MAGI1: variants seen among roughly 807,000 people sequenced by gnomAD.
MAGI1 encodes the protein membrane-associated guanylate kinase, WW and PDZ domain-containing protein 1.
A neutral mutation model predicts 139.9 loss-of-function variants in MAGI1; 58 were observed. That is an observed-to-expected ratio of 0.41 (90% CI 0.34 to 0.52). The LOEUF is 0.52. Among genes scored for constraint, MAGI1 ranks in the 20% least tolerant of loss-of-function variants. MAGI1 has a pLI of 0.12. For synonymous variants in MAGI1, 812 were observed against 737.9 expected (o/e 1.10, Z -1.63); for missense variants, 1,874 against 1,901.6 (o/e 0.99, Z 0.27).
At chr3:65,824,390 T>C (rs2042113482) in intron 1 of MAGI1, among the ~76,000 whole-genome samples, 1 of 152,156 alleles carries the variant, frequency 6.6e-6, no homozygotes, top group Non-Finnish European at 1.5e-5. Context: ...CAAAGCAACA[T>C]GTCTTCAATG....
intron 12 of MAGI1, among the ~76,000 whole-genome samples, chr3:65,428,408 G>C (rs915387146): frequency 5.9e-5 from 9 of 152,126 alleles, no homozygotes; most frequent in Admixed American, 5.9e-4. Flanking sequence ...GTGTTTTCTG[G>C]TGAGGCAGAG....
intron 1 of MAGI1, among the ~76,000 whole-genome samples, chr3:65,656,520 A>G (rs147813229): frequency 1.6e-3 from 244 of 152,344 alleles, no homozygotes; most frequent in African/African-American, 5.3e-3. Flanking sequence ...GTTATGGAAT[A>G]TAAGAGGTTA....
intron 2 of MAGI1, among the ~76,000 whole-genome samples, chr3:65,607,324 A>G (rs1414355686): frequency 6.6e-6 from 1 of 151,784 alleles, no homozygotes; most frequent in African/African-American, 2.4e-5. Flanking sequence ...TGAAACTGCT[A>G]TTGTATATGC....
intron 2 of MAGI1, among the ~76,000 whole-genome samples, chr3:65,544,735 C>G (rs2079416676): frequency 6.6e-6 from 1 of 152,136 alleles, no homozygotes; most frequent in Non-Finnish European, 1.5e-5. Context: ...AAGCCACGAG[C>G]AACCCCAATG....
chr3:65,935,483 G>A (rs2063006316), intron 1 of MAGI1, among the ~76,000 whole-genome samples: 1 of 152,164 alleles, frequency 6.6e-6, no homozygotes, highest in African/African-American at 2.4e-5. Context: ...TTAGCTGACT[G>A]TGGTGGTATG....
chr3:66,033,755 G>A (rs746696980), intron 1 of MAGI1, among the ~76,000 whole-genome samples: 5 of 152,136 alleles, frequency 3.3e-5, no homozygotes, highest in Non-Finnish European at 5.9e-5. Context: ...AAAAAGTAGA[G>A]GGATAGTTAC....
intron 1 of MAGI1, among the ~76,000 whole-genome samples, chr3:65,661,549 T>G (rs1224239168): frequency 1.3e-5 from 2 of 152,090 alleles, no homozygotes; most frequent in African/African-American, 2.4e-5. Flanking sequence ...TGGCTTTGCT[T>G]CTTCTAAACC....
At chr3:66,006,055 G>GT (rs1471851936) in intron 1 of MAGI1, among the ~76,000 whole-genome samples, 1 of 152,200 alleles carries the variant, frequency 6.6e-6, no homozygotes, top group African/African-American at 2.4e-5. Flanking sequence ...AATTTGTTAA[G>GT]TGACAACTCA....
At chr3:65,713,886 A>T (rs1275559382) in intron 1 of MAGI1, among the ~76,000 whole-genome samples, 1 of 152,222 alleles carries the variant, frequency 6.6e-6, no homozygotes. Flanking sequence ...AAGTCCTTGA[A>T]TTTAAAGAGC....
At chr3:65,835,378 GGAAGA>G (rs2042749730) in intron 1 of MAGI1, among the ~76,000 whole-genome samples, 1 of 152,174 alleles carries the variant, frequency 6.6e-6, no homozygotes, top group Non-Finnish European at 1.5e-5. Flanking sequence ...TTGTCTGGCA[GGAAGA>G]GAAAATAGTG....
At chr3:65,432,164 G>A (rs917064595) in intron 10 of MAGI1, among the ~76,000 whole-genome samples, 3 of 152,058 alleles carry the variant, frequency 2.0e-5, no homozygotes, top group African/African-American at 7.2e-5. Flanking sequence ...CTGTAATTGA[G>A]AAACTTACTG....
At chr3:65,514,141 T>C (rs2077738873) in intron 2 of MAGI1, among the ~76,000 whole-genome samples, 1 of 150,716 alleles carries the variant, frequency 6.6e-6, no homozygotes, top group Non-Finnish European at 1.5e-5. Context: ...TCCTTATACC[T>C]TATACAAAAA....
chr3:65,784,960 G>A (rs2039264212), intron 1 of MAGI1, among the ~76,000 whole-genome samples: 2 of 152,148 alleles, frequency 1.3e-5, no homozygotes, highest in Admixed American at 1.3e-4. Flanking sequence ...TGGCGGTGGA[G>A]GGCAGAGAAG....
intron 1 of MAGI1, among the ~76,000 whole-genome samples, chr3:65,743,777 AT>A (rs2035469485): frequency 6.6e-6 from 1 of 151,460 alleles, no homozygotes; most frequent in Non-Finnish European, 1.5e-5. Flanking sequence ...GTAATTATTT[AT>A]TTTTTCTGTC....
chr3:65,573,402 T>A (rs1296686052), intron 2 of MAGI1, among the ~76,000 whole-genome samples: 1 of 152,110 alleles, frequency 6.6e-6, no homozygotes, highest in Non-Finnish European at 1.5e-5. Flanking sequence ...AAGATTATTT[T>A]AACATTGGAA....
chr3:65,537,748 G>C (rs565947027), intron 2 of MAGI1, among the ~76,000 whole-genome samples: 3 of 152,256 alleles, frequency 2.0e-5, no homozygotes, highest in African/African-American at 4.8e-5. Context: ...TTATTTAATA[G>C]TCAAATTAGG....
chr3:65,944,249 C>T (rs960113524), intron 1 of MAGI1, among the ~76,000 whole-genome samples: 1 of 152,152 alleles, frequency 6.6e-6, no homozygotes, highest in Admixed American at 6.5e-5. Flanking sequence ...GGTGCAATGG[C>T]TCAGGCCTGT....
chr3:65,707,126 T>G (rs2030454984), intron 1 of MAGI1, among the ~76,000 whole-genome samples: 2 of 152,192 alleles, frequency 1.3e-5, no homozygotes, highest in African/African-American at 4.8e-5. Flanking sequence ...TTGTATAAAC[T>G]TCTATTCCCA....
chr3:65,493,554 G>A lies in MAGI1; in HGVS notation c.508C>T (p.Leu170Phe), dbSNP rs1432283097. The change falls in exon 3 of 23, where the codon CTC (leucine) becomes TTC (phenylalanine). Residue 170 changes from leucine to phenylalanine, a missense_variant. By Grantham distance (22) the Leu-to-Phe change is conservative. Coordinates refer to ENST00000402939, the MANE Select transcript of MAGI1 (RefSeq NM_001033057.2). ...TCCAGAAGAGTCCCACTCTGCTCGA[G>A]GTCCAAGAACTCCTTCACAGTCAGA... ...NFLTVKEFLD[L>F]EQSGTLLEVG... 6.2e-7 allele frequency: 1 copy of A among 1,614,110 alleles called. No homozygotes were observed. The highest frequency in any genetic ancestry group is 8.5e-7 in the Non-Finnish European group (1 of 1,180,018).
Sources: allele counts gnomAD v4.1 joint callset (sites outside exome capture counted in the v4.1 genomes callset), GRCh38; gene constraint gnomAD v4.1.1; transcripts MANE v1.5; gene names NCBI Gene and HGNC (gene_info 2026-07-23, HGNC 2026-07-21).